Variants in LOC122539214 observed in about 807,000 individuals in gnomAD.
chr19:52,687,550 ATG>A, the LOC122539214 span, among the ~76,000 whole-genome samples: 3 of 72,076 alleles, frequency 4.2e-5, no homozygotes, highest in South Asian at 4.4e-4. Flanking sequence ...TATAAATTAT[ATG>A]TGTAAATTTT....
At chr19:52,654,694 G>T in the LOC122539214 span, among the ~76,000 whole-genome samples, 1 of 152,000 alleles carries the variant, frequency 6.6e-6, no homozygotes, top group Non-Finnish European at 1.5e-5. Flanking sequence ...TCCAGCCTGG[G>T]CAACAAGAGC....
the LOC122539214 span, among the ~76,000 whole-genome samples, chr19:52,665,065 T>C: frequency 1.3e-5 from 2 of 152,166 alleles, no homozygotes; most frequent in Non-Finnish European, 2.9e-5. Context: ...AAGTCCTGCC[T>C]GAGCCAAATG....
chr19:52,655,773 T>C, the LOC122539214 span: 2 of 662,620 alleles, frequency 3.0e-6, no homozygotes, highest in Admixed American at 2.5e-5. Context: ...TAAGTATTGA[T>C]TTGATCCAAG....
chr19:52,653,414 T>G, the LOC122539214 span: 1 of 860,710 alleles, frequency 1.2e-6, no homozygotes, highest in South Asian at 1.3e-5. Context: ...TTCTCTTCAG[T>G]ATGAACTCTG....
At chr19:52,661,699 C>T in the LOC122539214 span, among the ~76,000 whole-genome samples, 1 of 152,144 alleles carries the variant, frequency 6.6e-6, no homozygotes, top group Non-Finnish European at 1.5e-5. Flanking sequence ...TCTGCTCTCC[C>T]CTTGGGGACT....
chr19:52,682,215 TA>T, the LOC122539214 span, among the ~76,000 whole-genome samples: 1,056 of 149,000 alleles, frequency 7.1e-3, 30 homozygotes, highest in East Asian at 0.049. Flanking sequence ...ATTAAAATTA[TA>T]AAAAAAAAAC....
the LOC122539214 span, among the ~76,000 whole-genome samples, chr19:52,666,618 CA>C: frequency 0.059 from 6,178 of 105,590 alleles, 95 homozygotes; most frequent in Non-Finnish European, 0.063. Context: ...TATCCTAAGT[CA>C]AAAAAAAAAA....
chr19:52,659,355 C>A, the LOC122539214 span, among the ~76,000 whole-genome samples: 17,273 of 152,042 alleles, frequency 0.11, 1,120 homozygotes, highest in African/African-American at 0.17. Flanking sequence ...GAGGTTACCA[C>A]CTTCTGGGGG....
At chr19:52,682,122 G>A in the LOC122539214 span, among the ~76,000 whole-genome samples, 18 of 151,966 alleles carry the variant, frequency 1.2e-4, no homozygotes, top group African/African-American at 3.6e-4. Context: ...CTGGGATTAC[G>A]GGCATGAGCC....
At chr19:52,674,071 C>T in the LOC122539214 span, 1 of 149,238 alleles carries the variant, frequency 6.7e-6, no homozygotes, top group East Asian at 1.9e-4. Flanking sequence ...GAAAGCACCA[C>T]ACATTTGCAC....
chr19:52,655,704 AT>A, the LOC122539214 span: 1 of 965,994 alleles, frequency 1.0e-6, no homozygotes, highest in South Asian at 1.4e-5. Flanking sequence ...TTAAACACAC[AT>A]TTCAACAAAA....
chr19:52,686,809 G>A, the LOC122539214 span, among the ~76,000 whole-genome samples: 6 of 152,032 alleles, frequency 3.9e-5, no homozygotes, highest in Admixed American at 3.9e-4. Context: ...CTGACCTTAC[G>A]TGATTCTCTC....
At chr19:52,676,616 C>T in the LOC122539214 span, among the ~76,000 whole-genome samples, 2 of 150,210 alleles carry the variant, frequency 1.3e-5, no homozygotes, top group African/African-American at 4.9e-5. Context: ...ACCACCCCGT[C>T]TGGGAGGTGT....
the LOC122539214 span, among the ~76,000 whole-genome samples, chr19:52,668,950 T>C: frequency 4.6e-5 from 7 of 152,166 alleles, no homozygotes; most frequent in African/African-American, 1.7e-4. Context: ...CCATCCAGCT[T>C]CCAACTCCCA....
the LOC122539214 span, among the ~76,000 whole-genome samples, chr19:52,675,419 G>A: frequency 6.6e-6 from 1 of 152,092 alleles, no homozygotes; most frequent in African/African-American, 2.4e-5. Flanking sequence ...GGGATACAAG[G>A]GCTGAGCTGG....
At chr19:52,679,419 T>G in the LOC122539214 span, among the ~76,000 whole-genome samples, 1 of 152,048 alleles carries the variant, frequency 6.6e-6, no homozygotes, top group Admixed American at 6.5e-5. Flanking sequence ...AAGACAAGCT[T>G]GGGCACCAAG....
chr19:52,667,081 T>TA, the LOC122539214 span, among the ~76,000 whole-genome samples: 1 of 152,182 alleles, frequency 6.6e-6, no homozygotes, highest in South Asian at 2.1e-4. Flanking sequence ...ATCCCAAACT[T>TA]ACAACGTTTT....
the LOC122539214 span, among the ~76,000 whole-genome samples, chr19:52,671,577 G>A: frequency 6.6e-6 from 1 of 152,058 alleles, no homozygotes; most frequent in East Asian, 1.9e-4. Flanking sequence ...CAACTAGCTG[G>A]AGCTGCAGGC....
the LOC122539214 span, among the ~76,000 whole-genome samples, chr19:52,677,399 T>C: frequency 4.6e-5 from 7 of 151,370 alleles, no homozygotes; most frequent in Non-Finnish European, 7.4e-5. Flanking sequence ...GGCAGGAGAA[T>C]TGCTTGAACC....
Sources: gnomAD v4.1 joint callset for allele counts (sites outside exome capture counted in the v4.1 genomes callset) on GRCh38, gnomAD v4.1.1 for gene constraint, MANE v1.5 for transcripts.